CDH4: variants seen among roughly 807,000 people sequenced by gnomAD.
CDH4 encodes cadherin 4.
A neutral mutation model predicts 86.0 loss-of-function variants in CDH4; 33 were observed. That is an observed-to-expected ratio of 0.38 (90% CI 0.29 to 0.51). CDH4 has a LOEUF of 0.51. CDH4 is among the 20% of genes least tolerant of loss of function. The probability of loss-of-function intolerance (pLI) is 0.86; values close to 1 mark genes in which losing one functional copy is unlikely to be tolerated. For missense variants in CDH4, 1,114 were observed against 1,307.4 expected, an observed-to-expected ratio of 0.85 and a Z score of 2.28; for synonymous variants, 555 against 549.4, an observed-to-expected ratio of 1.01 and a Z score of -0.14.
At chr20:61,873,989 C>A in intron 7 of CDH4, 89 bp downstream of exon 7, 1 of 1,413,062 alleles carries the variant, frequency 7.1e-7, no homozygotes, top group Non-Finnish European at 9.8e-7. Context: ...TCTCCAGTGG[C>A]GCCGTCGGGG....
Position 61,272,873 on chromosome 20 carries a change from G to A in CDH4, c.169+17936G>A, listed in dbSNP as rs112537763. On this transcript the variant is annotated intron_variant, in intron 2 of 15. Transcript: ENST00000614565. ...TACGCAGTTTGGGAGAGTACCATGC[G>A]CAGTTTGGGAGAGTACCGTGTGCAG... is the stretch of plus-strand genomic sequence containing the variant. 7.9e-3 allele frequency among the ~76,000 whole-genome samples: 1,174 copies of A among 148,316 alleles called. 14 individuals are homozygous for A. Among genetic ancestry groups the A allele is most frequent in the African/African-American group, 0.028 (1,105 of 39,598 alleles).
intron 2 of CDH4, among the ~76,000 whole-genome samples, chr20:61,679,686 G>A (rs1311230732): frequency 6.6e-6 from 1 of 152,214 alleles, no homozygotes; most frequent in African/African-American, 2.4e-5. Flanking sequence ...TTCCGCCACT[G>A]GTGGTGCTGT....
In CDH4 at chr20:61,923,510, G is replaced by A. The variant is rs543161849; in HGVS notation, c.1434G>A (p.Ala478=). ...FMLTVMVSNQ[A]PLASGIQMSF... is the part of the protein sequence containing the mutation. ...TGACAGTGATGGTGTCCAACCAGGC[G>A]CCCCTGGCCAGCGGAATCCAGATGT... The change falls in exon 10 of 16, where the codon GCG becomes GCA. Residue 478 remains alanine, a synonymous_variant. Transcript: ENST00000614565. 2.4e-5 allele frequency: 39 copies of A among 1,614,112 alleles called. No homozygotes were observed. The highest frequency in any genetic ancestry group is 6.7e-5 in the East Asian group (3 of 44,852).
intron 2 of CDH4, among the ~76,000 whole-genome samples, chr20:61,648,572 G>A (rs560706468): frequency 9.2e-5 from 14 of 152,232 alleles, no homozygotes; most frequent in East Asian, 3.9e-4. Context: ...GCTTGCTCTC[G>A]CCCATCCTTT....
At chr20:61,571,946 G>C (rs2086345249) in intron 2 of CDH4, among the ~76,000 whole-genome samples, 1 of 152,120 alleles carries the variant, frequency 6.6e-6, no homozygotes, top group Admixed American at 6.6e-5. Context: ...AGGAAACTGA[G>C]GCACAGAGAC....
intron 2 of CDH4, among the ~76,000 whole-genome samples, chr20:61,420,927 G>A (rs1600962166): frequency 6.6e-6 from 1 of 152,248 alleles, no homozygotes; most frequent in East Asian, 1.9e-4. Flanking sequence ...GGTGACCCAG[G>A]TATCCACACA....
intron 2 of CDH4, among the ~76,000 whole-genome samples, chr20:61,609,217 G>A (rs916709122): frequency 6.6e-6 from 1 of 152,234 alleles, no homozygotes; most frequent in Non-Finnish European, 1.5e-5. Flanking sequence ...ACATGGACGT[G>A]TTCCCGTTGC....
rs141262228 is a variant in CDH4 at position 61,902,348 on chromosome 20, C to T, written c.1188+7301C>T. On this transcript the variant is annotated intron_variant, in intron 8 of 15. Coordinates refer to ENST00000614565, the MANE Select transcript of CDH4 (RefSeq NM_001794.5). This position sits in a 1 kb window ranked among gnomAD's most constrained non-coding sequence, Gnocchi z 4.6. ...CTGCCCTTCACCAGCCACGGAGACC[C>T]GGGGTCTATGGGCAGTGCCCTAAAT... Among the ~76,000 whole-genome samples, 116 of 152,338 alleles carry T rather than the reference C, an allele frequency of 7.6e-4. 3 individuals carry two copies. Among genetic ancestry groups the T allele is most frequent in the South Asian group, 4.8e-3 (23 of 4,826 alleles).
intron 8 of CDH4, among the ~76,000 whole-genome samples, chr20:61,907,532 C>G (rs2054803665): frequency 6.6e-6 from 1 of 152,244 alleles, no homozygotes; most frequent in Non-Finnish European, 1.5e-5. Flanking sequence ...CCAGTAGGCA[C>G]CATCCCCCAT....
chr20:61,367,122 GTCCTC>G (rs900308746), intron 2 of CDH4, among the ~76,000 whole-genome samples: 25 of 152,286 alleles, frequency 1.6e-4, no homozygotes, highest in African/African-American at 5.3e-4. Context: ...AAATGTGCAG[GTCCTC>G]AGGGAGGAGG....
At chr20:61,702,042 C>T (rs1254264380) in intron 2 of CDH4, among the ~76,000 whole-genome samples, 1 of 152,192 alleles carries the variant, frequency 6.6e-6, no homozygotes, top group African/African-American at 2.4e-5. Context: ...AGCCCCTCTT[C>T]ACCGAAGTGC....
intron 2 of CDH4, among the ~76,000 whole-genome samples, chr20:61,354,178 C>T (rs1354263019): frequency 6.6e-6 from 1 of 152,062 alleles, no homozygotes; most frequent in Non-Finnish European, 1.5e-5. Context: ...GGACGCCCCC[C>T]ACCCCCCAGA....
At position 61,800,031 on chromosome 20, in the gene CDH4, C is replaced by A. The variant is rs571750265; in HGVS notation, c.576+26849C>A. On this transcript the variant is annotated intron_variant, in intron 4 of 15. Transcript: ENST00000614565. ...CAGCGGCCCTCGGTGGGCACAGTCA[C>A]CGGGCCGGCTTCCCCGCCTGTGCTT... is the stretch of plus-strand genomic sequence containing the variant. 2.9e-3 allele frequency among the ~76,000 whole-genome samples: 442 copies of A among 152,292 alleles called. 3 individuals are homozygous for A. Among genetic ancestry groups the A allele is most frequent in the South Asian group, 0.017 (82 of 4,822 alleles).
chr20:61,437,631 G>A (rs1359858574), intron 2 of CDH4: 2 of 152,164 alleles, frequency 1.3e-5, no homozygotes, highest in Non-Finnish European at 2.9e-5. Flanking sequence ...CAGTGTGTTC[G>A]GGTAATAAGG....
intron 4 of CDH4, among the ~76,000 whole-genome samples, chr20:61,781,721 C>G (rs1356829367): frequency 1.3e-5 from 2 of 152,194 alleles, no homozygotes; most frequent in Non-Finnish European, 2.9e-5. Context: ...ATGATTGAGA[C>G]TTTCCCACAT....
intron 2 of CDH4, among the ~76,000 whole-genome samples, chr20:61,342,715 G>A (rs954285494): frequency 4.4e-5 from 6 of 137,558 alleles, no homozygotes; most frequent in African/African-American, 8.1e-5. Context: ...GGGAAGGATG[G>A]GCTGCAGTAT....
chr20:61,727,118 C>T (rs925188033), intron 2 of CDH4, among the ~76,000 whole-genome samples: 1 of 151,878 alleles, frequency 6.6e-6, no homozygotes, highest in African/African-American at 2.4e-5. Context: ...ACCATCGTTG[C>T]CATCATCATC....
intron 2 of CDH4, among the ~76,000 whole-genome samples, chr20:61,284,699 T>G (rs1000987299): frequency 1.3e-5 from 2 of 152,192 alleles, no homozygotes; most frequent in Non-Finnish European, 2.9e-5. Context: ...GTTATATTGA[T>G]AAATAGGCAA....
chr20:61,687,533 C>T (rs6061312), intron 2 of CDH4, among the ~76,000 whole-genome samples: 1,751 of 152,258 alleles, frequency 0.012, 32 homozygotes, highest in African/African-American at 0.038. Flanking sequence ...TTCCATAAAA[C>T]GACCCAAGAG....
Sources: allele counts gnomAD v4.1 joint callset (sites outside exome capture counted in the v4.1 genomes callset), GRCh38; gene constraint gnomAD v4.1.1; non-coding constraint Gnocchi (gnomAD v3.1); transcripts MANE v1.5; gene names NCBI Gene and HGNC (gene_info 2026-07-23, HGNC 2026-07-21).